Variants in TMEM156 observed in about 807,000 individuals in gnomAD.
TMEM156 encodes the protein transmembrane protein 156.
A neutral mutation model predicts 30.5 loss-of-function variants in TMEM156; 28 were observed. That is an observed-to-expected ratio of 0.92 (90% CI 0.68 to 1.26). TMEM156 has a LOEUF of 1.26. Ranked by LOEUF, TMEM156 falls within the 50% of genes most tolerant of loss-of-function variation. The pLI, the probability that TMEM156 is intolerant of heterozygous loss-of-function variation, is 0.00. For missense variants in TMEM156, 351 were observed against 340.6 expected (o/e 1.03, Z -0.24); for synonymous variants, 137 against 119.9 (o/e 1.14, Z -0.93).
At chr4:39,005,573 A>G (rs996054945) in intron 1 of TMEM156, among the ~76,000 whole-genome samples, 2 of 152,222 alleles carry the variant, frequency 1.3e-5, no homozygotes, top group African/African-American at 4.8e-5. Context: ...CAGTGTGAAA[A>G]CAGACTAATA....
intron 5 of TMEM156, among the ~76,000 whole-genome samples, chr4:38,971,605 ATAT>A (rs1164403558): frequency 6.6e-6 from 1 of 152,144 alleles, no homozygotes; most frequent in South Asian, 2.1e-4. Flanking sequence ...AATTCTTCTA[ATAT>A]TATCCTCAGC....
At chr4:38,975,093 TAGA>T (rs909220847) in intron 5 of TMEM156, among the ~76,000 whole-genome samples, 2 of 152,316 alleles carry the variant, frequency 1.3e-5, no homozygotes, top group African/African-American at 2.4e-5. Flanking sequence ...CCACTAAAGT[TAGA>T]ATTTCTTCTT....
intron 1 of TMEM156, among the ~76,000 whole-genome samples, chr4:39,005,084 T>G (rs921265337): frequency 3.3e-5 from 5 of 152,202 alleles, no homozygotes; most frequent in African/African-American, 9.6e-5. Flanking sequence ...ACAGCGTGGA[T>G]GAATCTCAAA....
chr4:38,999,115 T>TTTTA (rs1713150056), intron 1 of TMEM156, among the ~76,000 whole-genome samples: 1 of 72,140 alleles, frequency 1.4e-5, no homozygotes, highest in African/African-American at 4.2e-5. Context: ...TATTTATTTT[T>TTTTA]TTTTTTTTTT....
At chr4:38,980,999 A>G in intron 5 of TMEM156, 9 of 963,452 alleles carry the variant, frequency 9.3e-6, no homozygotes, top group Non-Finnish European at 1.1e-5. Flanking sequence ...TTCTTCCTGC[A>G]AAAAGAATCA....
At chr4:38,970,146 T>TTA (rs1553876134) in intron 6 of TMEM156, among the ~76,000 whole-genome samples, 3 of 149,088 alleles carry the variant, frequency 2.0e-5, no homozygotes, top group African/African-American at 7.4e-5. Flanking sequence ...GTGTGTGTGT[T>TTA]TGTGTGTGTG....
chr4:39,018,385 G>T (rs1301904697), intron 1 of TMEM156, among the ~76,000 whole-genome samples: 2 of 152,032 alleles, frequency 1.3e-5, no homozygotes, highest in Non-Finnish European at 2.9e-5. Flanking sequence ...AATATTTTCA[G>T]GATTTGTTTA....
chr4:38,998,014 A>G (rs754731378), intron 2 of TMEM156, among the ~76,000 whole-genome samples: 4 of 152,238 alleles, frequency 2.6e-5, no homozygotes, highest in Non-Finnish European at 5.9e-5. Flanking sequence ...TACTATAAGA[A>G]ACTACAGATT....
intron 2 of TMEM156, among the ~76,000 whole-genome samples, chr4:38,994,359 C>G (rs1188355029): frequency 6.6e-6 from 1 of 152,108 alleles, no homozygotes. Context: ...CTTTTGGACT[C>G]AAGGGATCCT....
At chr4:39,030,451 C>G (rs1330486258) in intron 1 of TMEM156, among the ~76,000 whole-genome samples, 1 of 152,164 alleles carries the variant, frequency 6.6e-6, no homozygotes, top group African/African-American at 2.4e-5. Context: ...CTTCTACCTA[C>G]CAATAGAAGG....
At chr4:39,027,758 C>CTTTTTTTT (rs112766367) in intron 1 of TMEM156, among the ~76,000 whole-genome samples, 103 of 120,696 alleles carry the variant, frequency 8.5e-4, no homozygotes, top group Non-Finnish European at 1.0e-3. Flanking sequence ...TTTTCTTTTT[C>CTTTTTTTT]TTTTTTTTTT....
chr4:38,968,176 C>T (rs1051713992), intron 6 of TMEM156, among the ~76,000 whole-genome samples: 62 of 152,208 alleles, frequency 4.1e-4, no homozygotes, highest in Non-Finnish European at 8.1e-4. Flanking sequence ...CTCCACTAAC[C>T]TCTGCTGCTA....
chr4:39,014,650 CG>C (rs572973944), intron 1 of TMEM156, among the ~76,000 whole-genome samples: 1,952 of 151,194 alleles, frequency 0.013, 49 homozygotes, highest in African/African-American at 0.045. Flanking sequence ...TCCAGCTACT[CG>C]GGAGGCTGAG....
intron 5 of TMEM156, among the ~76,000 whole-genome samples, chr4:38,973,926 TGTCAAATGCATTTTTA>T (rs765230632): frequency 3.9e-5 from 6 of 152,198 alleles, no homozygotes; most frequent in Non-Finnish European, 8.8e-5. Flanking sequence ...CATTGTATTT[TGTCAAATGCATTTTTA>T]GTATAACCAA....
chr4:39,016,771 T>C (rs184068740), intron 1 of TMEM156, among the ~76,000 whole-genome samples: 1 of 152,310 alleles, frequency 6.6e-6, no homozygotes, highest in East Asian at 1.9e-4. Context: ...TTGTTTGAAA[T>C]GTATTGAGGC....
chr4:39,027,828 C>T (rs1715301881), intron 1 of TMEM156, among the ~76,000 whole-genome samples: 1 of 148,710 alleles, frequency 6.7e-6, no homozygotes, highest in Non-Finnish European at 1.5e-5. Flanking sequence ...GTAATCTCGG[C>T]TCACTGCAAC....
At chr4:38,992,367 A>G (rs1712527168) in intron 3 of TMEM156, among the ~76,000 whole-genome samples, 1 of 152,074 alleles carries the variant, frequency 6.6e-6, no homozygotes, top group African/African-American at 2.4e-5. Flanking sequence ...GATGCTCTCC[A>G]GGAATAGATT....
intron 1 of TMEM156, among the ~76,000 whole-genome samples, chr4:39,027,158 TTAAAA>T (rs1715249886): frequency 6.6e-6 from 1 of 152,222 alleles, no homozygotes; most frequent in Admixed American, 6.5e-5. Context: ...AATGTATTTG[TTAAAA>T]TAAAAAAATT....
intron 5 of TMEM156, among the ~76,000 whole-genome samples, chr4:38,981,166 AC>A (rs1723162711): frequency 6.6e-6 from 1 of 152,222 alleles, no homozygotes; most frequent in Non-Finnish European, 1.5e-5. Context: ...GACATCTGGC[AC>A]CAGTAATTTA....
Sources: gnomAD v4.1 joint callset for allele counts (sites outside exome capture counted in the v4.1 genomes callset) on GRCh38, gnomAD v4.1.1 for gene constraint, MANE v1.5 for transcripts, NCBI Gene and HGNC (gene_info 2026-07-23, HGNC 2026-07-21) for gene names.